GPR153: variants seen among roughly 807,000 people sequenced by gnomAD.
GPR153 encodes the protein G protein-coupled receptor 153, also known as probable G protein-coupled receptor 153.
GPR153 carries 27 observed loss-of-function variants against 34.1 expected under a neutral mutation model. The observed-to-expected ratio is 0.79, with a 90% CI of 0.58 to 1.09. GPR153 has a LOEUF of 1.09. Ranked by LOEUF, GPR153 falls within the 50% of genes least tolerant of loss-of-function variation. The probability of loss-of-function intolerance (pLI) is 0.00; values close to 1 mark genes in which losing one functional copy is unlikely to be tolerated. For missense variants in GPR153, 848 were observed against 860.2 expected, an observed-to-expected ratio of 0.99 and a Z score of 0.18; for synonymous variants, 408 against 405.4, an observed-to-expected ratio of 1.01 and a Z score of -0.08.
In GPR153 at chr1:6,251,310, C is replaced by T. The variant is rs1638442338; in HGVS notation, c.979+28G>A. 6.4e-7 allele frequency: 1 copy of T among 1,564,854 alleles called. No individual in the cohort carries two copies. The highest frequency in any genetic ancestry group is 8.7e-7 in the Non-Finnish European group (1 of 1,148,698). The stretch of plus-strand genomic sequence containing the variant: ...ATGACCTAACCTAGACGCCACTCTC[C>T]CTGGGGCCACTCTCAGGCCATCCTC... On this transcript the variant is annotated intron_variant, in intron 4 of 5. Coordinates refer to ENST00000377893, the MANE Select transcript of GPR153 (RefSeq NM_207370.4). This position sits in a 1 kb window ranked among gnomAD's most constrained non-coding sequence, Gnocchi z 4.9.
At chr1:6,252,129 G>T (rs1352360124) in intron 3 of GPR153, among the ~76,000 whole-genome samples, 1 of 152,198 alleles carries the variant, frequency 6.6e-6, no homozygotes, top group Admixed American at 6.5e-5. Context: ...CTGTCCCAAA[G>T]AGTGATGCTT....
At chr1:6,257,187 C>T (rs895845149) in intron 1 of GPR153, among the ~76,000 whole-genome samples, 3 of 152,250 alleles carry the variant, frequency 2.0e-5, no homozygotes, top group African/African-American at 7.2e-5. Flanking sequence ...CCAGAATCCT[C>T]ACACAGCCCA....
chr1:6,251,562 A>G lies in GPR153; in HGVS notation c.787-32T>C, dbSNP rs1385385678. 1 of 1,534,346 alleles carries G rather than the reference A, an allele frequency of 6.5e-7. No homozygotes were observed. The highest frequency in any genetic ancestry group is 8.7e-7 in the Non-Finnish European group (1 of 1,144,166). On this transcript the variant is annotated intron_variant, in intron 3 of 5. Coordinates refer to ENST00000377893, the MANE Select transcript of GPR153 (RefSeq NM_207370.4). This position sits in a 1 kb window ranked among gnomAD's most constrained non-coding sequence, Gnocchi z 4.9. ...GCACAGGGCTCGGCCTGGCACCTGC[A>G]GGACCCCCCACCATCACACAAGCTC...
chr1:6,255,258 G>A (rs1189522839), intron 1 of GPR153, among the ~76,000 whole-genome samples: 8 of 151,704 alleles, frequency 5.3e-5, no homozygotes, highest in Admixed American at 5.2e-4. Flanking sequence ...GAGTGCAGTG[G>A]CGCAATCTCA....
rs1638505680 is a variant in GPR153 at position 6,253,932 on chromosome 1, G to A, written c.572C>T (p.Thr191Ile). Residue 191 changes from threonine (T) to isoleucine (I), a missense_variant, in exon 3 of 6, where the codon ACA (threonine) becomes ATA (isoleucine). Transcript: ENST00000377893. ...GGSVAMGVIC[T>I]AIALFQTLAV... is the part of the protein sequence containing the mutation. ...CAGCGTCTGGAAGAGGGCGATGGCTGTGCAGATCACGCCCATGGCCACGCT... is the reference window on the plus strand; with the variant it reads ...CAGCGTCTGGAAGAGGGCGATGGCTATGCAGATCACGCCCATGGCCACGCT... 6.2e-7 allele frequency: 1 copy of A among 1,611,440 alleles called. No homozygotes were observed. The highest frequency in any genetic ancestry group is 8.5e-7 in the Non-Finnish European group (1 of 1,179,290).
At chr1:6,260,186 G>A (rs1410351109) in intron 1 of GPR153, among the ~76,000 whole-genome samples, 1 of 152,142 alleles carries the variant, frequency 6.6e-6, no homozygotes, top group African/African-American at 2.4e-5. Context: ...AACTTGAAAG[G>A]ATTCCCCGGG....
chr1:6,255,642 G>GGTTTTTT (rs1476167661), intron 1 of GPR153, among the ~76,000 whole-genome samples: 1 of 38,840 alleles, frequency 2.6e-5, no homozygotes, highest in Non-Finnish European at 4.4e-5. Context: ...GCCTGGCTAC[G>GGTTTTTT]TTTTTTTTTT....
chr1:6,251,868 T>C lies in GPR153; in HGVS notation c.787-338A>G, dbSNP rs1353661154. Among the ~76,000 whole-genome samples, 1 of 152,190 alleles carries C rather than the reference T, an allele frequency of 6.6e-6. No individual in the cohort carries two copies. Among genetic ancestry groups the C allele is most frequent in the Non-Finnish European group, 1.5e-5 (1 of 68,036 alleles). On this transcript the variant is annotated intron_variant, in intron 3 of 5. Coordinates refer to ENST00000377893, the MANE Select transcript of GPR153 (RefSeq NM_207370.4). This position sits in a 1 kb window ranked among gnomAD's most constrained non-coding sequence, Gnocchi z 4.9. ...TGGAGTGCAGTGGCTCAATCATGGC[T>C]CACTGCAGCCTCCATCTCCTGGGCT...
rs568249501 is a variant in GPR153 at position 6,255,876 on chromosome 1, A to C, written c.-109-862T>G. On this transcript the variant is annotated intron_variant, in intron 1 of 5. Coordinates refer to ENST00000377893, the MANE Select transcript of GPR153 (RefSeq NM_207370.4). Reference sequence around the variant, plus strand: ...ACCATGTTGGTCAGGCTGGTCTTGAACTCCTGACCTTGTGATCCACCCGCC... The same window carrying C: ...ACCATGTTGGTCAGGCTGGTCTTGACCTCCTGACCTTGTGATCCACCCGCC... Among the ~76,000 whole-genome samples the C allele has an allele frequency of 4.8e-3, 700 of 147,088 alleles. 4 individuals carry two copies. The highest frequency in any genetic ancestry group is 7.7e-3 in the Non-Finnish European group (511 of 66,152).
intron 5 of GPR153, 29 bp from the exon 6 acceptor site, chr1:6,250,032 G>A (rs1638406065): frequency 8.0e-7 from 1 of 1,256,386 alleles, no homozygotes; most frequent in Non-Finnish European, 1.0e-6. Flanking sequence ...CTTTTACCCC[G>A]AGCTGCCCTC....
At chr1:6,257,647 G>A (rs1638594069) in intron 1 of GPR153, among the ~76,000 whole-genome samples, 1 of 152,266 alleles carries the variant, frequency 6.6e-6, no homozygotes, top group Admixed American at 6.5e-5. Flanking sequence ...GCAAGGGCCT[G>A]GAGACGGCCA....
rs931201879 is a variant in GPR153 at position 6,252,618 on chromosome 1, G to A, written c.787-1088C>T. Among the ~76,000 whole-genome samples the A allele has an allele frequency of 2.0e-5, 3 of 152,192 alleles. No individual in the cohort carries two copies. In the East Asian group the frequency reaches 5.8e-4, roughly 29 times the overall value. ...CCTGACTCTGAAGCTGCCACCCCCC[G>A]AGTCACCATTCTGGAGCTCATGTCC... is the stretch of plus-strand genomic sequence containing the variant. On this transcript the variant is annotated intron_variant, in intron 3 of 5. Transcript: ENST00000377893.
chr1:6,261,064 C>A lies in GPR153; in HGVS notation c.-349G>T. Reference sequence around the variant, plus strand: ...GCCGCCGCCGCCGCCGCGCTTCGCTCAGCTCCCGCCGCTCCGCTGCTGCGC... The same window carrying A: ...GCCGCCGCCGCCGCCGCGCTTCGCTAAGCTCCCGCCGCTCCGCTGCTGCGC... On this transcript the variant is annotated 5_prime_UTR_variant, in exon 1 of 6. Transcript: ENST00000377893. 6.7e-6 allele frequency: 1 copy of A among 148,680 alleles called. No individual in the cohort carries two copies. The highest frequency in any genetic ancestry group is 2.0e-4 in the South Asian group (1 of 4,998). 9.2% of individuals were successfully genotyped at this position (148,680 alleles called of 1,614,324 possible).
intron 1 of GPR153, among the ~76,000 whole-genome samples, chr1:6,256,494 A>C (rs772717050): frequency 2.0e-4 from 30 of 151,278 alleles, no homozygotes; most frequent in Non-Finnish European, 1.2e-4. Flanking sequence ...CTCAGCCCCG[A>C]GTGGCTGGGA....
intron 1 of GPR153, among the ~76,000 whole-genome samples, chr1:6,257,537 G>A (rs1406417182): frequency 1.3e-5 from 2 of 152,254 alleles, no homozygotes; most frequent in African/African-American, 2.4e-5. Flanking sequence ...GGGAGGCTGA[G>A]GTGGACAGGA....
rs759840512 is a variant in GPR153 at position 6,250,431 on chromosome 1, T to C, written c.1164+9A>G. On this transcript the variant is annotated intron_variant, in intron 5 of 5. Transcript: ENST00000377893. The stretch of plus-strand genomic sequence containing the variant: ...GCAGGTGCGGCCTCTCCCCCAGCCC[T>C]GCGCTCACCTGCAGGTATTGCATCT... The C allele has an allele frequency of 1.7e-5, 27 of 1,572,044 alleles. No homozygotes were observed. Among genetic ancestry groups the C allele is most frequent in the Non-Finnish European group, 2.2e-5 (26 of 1,158,576 alleles).
chr1:6,255,201 A>AT (rs34855494), intron 1 of GPR153, among the ~76,000 whole-genome samples, 187 bp from the exon 2 acceptor site: 65 of 141,958 alleles, frequency 4.6e-4, no homozygotes, highest in Admixed American at 2.4e-3. Flanking sequence ...AGGTAAGACT[A>AT]TTTTTTTTTT....
intron 1 of GPR153, among the ~76,000 whole-genome samples, chr1:6,256,136 T>C (rs1331961780): frequency 1.3e-5 from 2 of 152,184 alleles, no homozygotes; most frequent in South Asian, 2.1e-4. Context: ...GTGGGTTTAA[T>C]GTCTTTACAA....
At chr1:6,259,476 T>C (rs532538608) in intron 1 of GPR153, among the ~76,000 whole-genome samples, 105 of 146,498 alleles carry the variant, frequency 7.2e-4, no homozygotes, top group African/African-American at 2.7e-3. Flanking sequence ...TCTCAAACCC[T>C]AAAATGTTGG....
Sources: allele counts gnomAD v4.1 joint callset (sites outside exome capture counted in the v4.1 genomes callset), GRCh38; gene constraint gnomAD v4.1.1; non-coding constraint Gnocchi (gnomAD v3.1); transcripts MANE v1.5; gene names NCBI Gene and HGNC (gene_info 2026-07-23, HGNC 2026-07-21).